VAV3: variants seen among roughly 807,000 people sequenced by gnomAD.
VAV3 encodes the protein vav guanine nucleotide exchange factor 3.
VAV3 carries 94 observed loss-of-function variants against 131.2 expected under a neutral mutation model. That is an observed-to-expected ratio of 0.72 (90% CI 0.61 to 0.85). The LOEUF (loss-of-function observed/expected upper bound fraction) is 0.85. VAV3 is among the 40% of genes least tolerant of loss of function. VAV3 has a pLI of 0.00. For missense variants in VAV3, 939 were observed against 1,002.7 expected (o/e 0.94, Z 0.86); for synonymous variants, 349 against 342.0 (o/e 1.02, Z -0.22).
chr1:107,607,067 G>A (rs940241635), intron 22 of VAV3, among the ~76,000 whole-genome samples: 1 of 151,144 alleles, frequency 6.6e-6, no homozygotes. Flanking sequence ...TGATTCTCCT[G>A]CCTCAGCCTC....
intron 6 of VAV3, among the ~76,000 whole-genome samples, chr1:107,769,347 C>T (rs571462154): frequency 2.0e-5 from 3 of 152,278 alleles, no homozygotes; most frequent in Non-Finnish European, 2.9e-5. Flanking sequence ...CATTACCGAT[C>T]GTCTAATTTT....
intron 1 of VAV3, among the ~76,000 whole-genome samples, chr1:107,925,474 T>C (rs1436259124): frequency 1.3e-5 from 2 of 152,238 alleles, no homozygotes; most frequent in East Asian, 1.9e-4. Context: ...GGTGTATACA[T>C]ACAATGGACT....
intron 15 of VAV3, among the ~76,000 whole-genome samples, chr1:107,724,021 G>A (rs941499491): frequency 1.3e-5 from 2 of 151,948 alleles, no homozygotes; most frequent in African/African-American, 4.8e-5. Flanking sequence ...CAAGGCTCGT[G>A]AAGCGACTAA....
intron 2 of VAV3, among the ~76,000 whole-genome samples, chr1:107,856,051 G>A (rs1421688140): frequency 6.6e-6 from 1 of 152,168 alleles, no homozygotes; most frequent in African/African-American, 2.4e-5. Context: ...TTCTGAGTAG[G>A]AGACCACCCC....
chr1:107,663,114 T>C (rs913097065), intron 19 of VAV3, among the ~76,000 whole-genome samples: 4 of 152,200 alleles, frequency 2.6e-5, no homozygotes, highest in Non-Finnish European at 5.9e-5. Flanking sequence ...GACTGGAATA[T>C]TGTGTTACTC....
intron 25 of VAV3, among the ~76,000 whole-genome samples, chr1:107,594,982 A>C (rs1014690687): frequency 2.0e-5 from 3 of 152,144 alleles, no homozygotes; most frequent in African/African-American, 7.2e-5. Context: ...TGCTGGGGGA[A>C]ATGTCATAGC....
rs12072751 is a variant in VAV3, at chr1:107,882,155, G to A, written c.205-7138C>T. On this transcript the variant is annotated intron_variant, in intron 1 of 26. Coordinates refer to ENST00000370056, the MANE Select transcript of VAV3 (RefSeq NM_006113.5). ...GCTTATTGTGAGATGAGTTATTTCA[G>A]TCCCAAATGAGAAATGACATTTCAT... 4.1e-3 allele frequency among the ~76,000 whole-genome samples: 626 copies of A among 152,276 alleles called. 5 individuals carry two copies. The highest frequency in any genetic ancestry group is 0.014 in the African/African-American group (588 of 41,548).
chr1:107,590,169 A>G (rs896944713), intron 25 of VAV3, among the ~76,000 whole-genome samples: 8 of 152,208 alleles, frequency 5.3e-5, no homozygotes, highest in African/African-American at 1.7e-4. Context: ...GCCTTTGTCA[A>G]TCTTTGAAGA....
chr1:107,818,433 C>T (rs549838136), intron 2 of VAV3, among the ~76,000 whole-genome samples: 8 of 148,488 alleles, frequency 5.4e-5, no homozygotes, highest in Admixed American at 2.0e-4. Flanking sequence ...ATCACACAGA[C>T]GCAAATTCCG....
intron 2 of VAV3, among the ~76,000 whole-genome samples, chr1:107,807,929 A>T (rs1366079813): frequency 6.6e-6 from 1 of 152,198 alleles, no homozygotes; most frequent in African/African-American, 2.4e-5. Context: ...GTACATTTAC[A>T]AATAAGTAGC....
chr1:107,714,343 T>C (rs892675217), intron 15 of VAV3, among the ~76,000 whole-genome samples: 1 of 152,178 alleles, frequency 6.6e-6, no homozygotes, highest in Non-Finnish European at 1.5e-5. Flanking sequence ...TGTCAAGTCA[T>C]AGGCACTCCT....
chr1:107,922,951 CA>C (rs1320244225), intron 1 of VAV3, among the ~76,000 whole-genome samples: 50 of 75,394 alleles, frequency 6.6e-4, no homozygotes, highest in Admixed American at 1.1e-3. Flanking sequence ...GACTCCGTCT[CA>C]AAAAAAAAAA....
intron 15 of VAV3, among the ~76,000 whole-genome samples, chr1:107,714,989 T>C (rs1189896116): frequency 1.3e-5 from 2 of 152,220 alleles, no homozygotes; most frequent in Non-Finnish European, 2.9e-5. Flanking sequence ...GAATGAAATG[T>C]AAAGTCAGTT....
intron 15 of VAV3, among the ~76,000 whole-genome samples, chr1:107,737,447 A>G (rs1418033746): frequency 6.6e-6 from 1 of 152,224 alleles, no homozygotes; most frequent in Non-Finnish European, 1.5e-5. Context: ...AATTTTTGCA[A>G]TCTACCCATC....
intron 4 of VAV3, among the ~76,000 whole-genome samples, chr1:107,773,558 A>G (rs991607232): frequency 1.4e-4 from 22 of 152,128 alleles, no homozygotes; most frequent in African/African-American, 5.3e-4. Context: ...TAACTAACAT[A>G]AAGACAGATG....
chr1:107,816,836 G>A (rs1226069736), intron 2 of VAV3, among the ~76,000 whole-genome samples: 1 of 152,162 alleles, frequency 6.6e-6, no homozygotes. Context: ...AACACAGAGA[G>A]GTTCAGGGAT....
At chr1:107,863,601 C>T (rs929376665) in intron 2 of VAV3, among the ~76,000 whole-genome samples, 5 of 152,184 alleles carry the variant, frequency 3.3e-5, no homozygotes, top group African/African-American at 1.2e-4. Flanking sequence ...GGACTATCAG[C>T]GAAATCCAAA....
chr1:107,951,166 A>G (rs185450607), intron 1 of VAV3, among the ~76,000 whole-genome samples: 193 of 152,312 alleles, frequency 1.3e-3, no homozygotes, highest in African/African-American at 4.5e-3. Context: ...GTCTTTGCAC[A>G]TTCTTCATCT....
At position 107,764,136 on chromosome 1, in the gene VAV3, AC is replaced by A. The variant is rs1380292485; in HGVS notation, c.921+939del. ...AAAAAAACATGATGTACAAAAAAAC[AC>A]GACTTAACCTAGGTTTCTAGACTTA... On this transcript the variant is annotated intron_variant, in intron 9 of 26. Transcript: ENST00000370056. Among the ~76,000 whole-genome samples the A allele has an allele frequency of 3.3e-5, 5 of 151,674 alleles. No homozygotes were observed. The East Asian group carries it at 9.6e-4, about 29-fold the overall frequency.
Sources: gnomAD v4.1 joint callset for allele counts (sites outside exome capture counted in the v4.1 genomes callset) on GRCh38, gnomAD v4.1.1 for gene constraint, MANE v1.5 for transcripts, NCBI Gene and HGNC (gene_info 2026-07-23, HGNC 2026-07-21) for gene names.